Variants in RPS6KA1 observed in about 807,000 individuals in gnomAD.
RPS6KA1 encodes the protein ribosomal protein S6 kinase A1, also known as ribosomal protein S6 kinase alpha-1.
In RPS6KA1, 48 loss-of-function variants were observed where a neutral mutation model predicts 91.3. The observed-to-expected ratio is 0.53, with a 90% CI of 0.42 to 0.67. The LOEUF is 0.67. RPS6KA1 is among the 30% of genes least tolerant of loss of function. RPS6KA1 has a pLI of 0.00. For synonymous variants in RPS6KA1, 359 were observed against 384.7 expected (o/e 0.93, Z 0.78); for missense variants, 719 against 960.5 (o/e 0.75, Z 3.32).
rs755379516 is a variant in RPS6KA1, at chr1:26,554,760, A to C, written c.756+22A>C. 2 of 1,585,878 alleles carry C rather than the reference A, an allele frequency of 1.3e-6. No individual in the cohort carries two copies. The highest frequency in any genetic ancestry group is 2.2e-5 in the South Asian group (2 of 89,232). On this transcript the variant is annotated intron_variant, in intron 9 of 21. Transcript: ENST00000374168. This position sits in a 1 kb window ranked among gnomAD's most constrained non-coding sequence, Gnocchi z 4.6. ...GATGGTGAGTGCCCAGACAGGGGTA[A>C]AGGATCCAGCCCAAGCCTCTGGCCT...
intron 2 of RPS6KA1, chr1:26,546,155 T>TCCAGTCACCCTGCAGG: frequency 8.5e-7 from 1 of 1,172,776 alleles, no homozygotes; most frequent in Non-Finnish European, 1.2e-6. Flanking sequence ...CCCTGCAGGG[T>TCCAGTCACCCTGCAGG]GACTGGACCC....
At chr1:26,539,124 T>A (rs1415873798) in intron 2 of RPS6KA1, among the ~76,000 whole-genome samples, 1 of 152,218 alleles carries the variant, frequency 6.6e-6, no homozygotes, top group Non-Finnish European at 1.5e-5. Flanking sequence ...GAACCTCTGC[T>A]CTGTGCTAGG....
intron 2 of RPS6KA1, 118 bp from the exon 3 acceptor site, chr1:26,546,749 C>A: frequency 1.4e-6 from 1 of 712,386 alleles, no homozygotes; most frequent in Non-Finnish European, 2.4e-6. Flanking sequence ...TCAGGGAAGT[C>A]GTCTATTGGG....
Position 26,547,995 on chromosome 1 carries a change from G to A in RPS6KA1, c.307+725G>A, listed in dbSNP as rs997878556. Among the ~76,000 whole-genome samples, 6 of 152,116 alleles carry A rather than the reference G, an allele frequency of 3.9e-5. No homozygotes were observed. The highest frequency in any genetic ancestry group is 6.5e-5 in the Admixed American group (1 of 15,272). On this transcript the variant is annotated intron_variant, in intron 4 of 21. Coordinates refer to ENST00000374168, the MANE Select transcript of RPS6KA1 (RefSeq NM_002953.4). This position sits in a 1 kb window ranked among gnomAD's most constrained non-coding sequence, Gnocchi z 4.1. ...GACCTGACCAACATGTTGAAACCCC[G>A]TCTCTACTAAAAATACAAAGAAATG...
At chr1:26,531,504 A>T (rs2075867481) in intron 1 of RPS6KA1, 1 of 152,140 alleles carries the variant, frequency 6.6e-6, no homozygotes, top group South Asian at 2.1e-4. Flanking sequence ...CAGGAGCTCG[A>T]TCCTGGGGCA....
Position 26,554,318 on chromosome 1 carries a change from GC to G in RPS6KA1, c.613+68del, listed in dbSNP as rs1419440553. Reference sequence around the variant, plus strand: ...CAGGACAAGGTCATGATAGGTCTCGGCTGAGTGCTGGGGGCTCATTCTTCCC... The same window carrying G: ...CAGGACAAGGTCATGATAGGTCTCGGTGAGTGCTGGGGGCTCATTCTTCCC... On this transcript the variant is annotated intron_variant, in intron 8 of 21. Coordinates refer to ENST00000374168, the MANE Select transcript of RPS6KA1 (RefSeq NM_002953.4). This position sits in a 1 kb window ranked among gnomAD's most constrained non-coding sequence, Gnocchi z 4.6. 1 of 1,483,138 alleles carries G rather than the reference GC, an allele frequency of 6.7e-7. No homozygotes were observed. The highest frequency in any genetic ancestry group is 2.1e-5 in the Admixed American group (1 of 48,670). The allele number at this position is 1,483,138 out of a possible 1,614,324, so 91.9% of individuals were successfully genotyped here.
chr1:26,573,630 C>T (rs757225030), intron 21 of RPS6KA1, among the ~76,000 whole-genome samples: 2 of 152,156 alleles, frequency 1.3e-5, no homozygotes, highest in Non-Finnish European at 2.9e-5. Context: ...CCATAAAGGA[C>T]CACTGAGGCT....
intron 17 of RPS6KA1, among the ~76,000 whole-genome samples, chr1:26,569,185 A>G (rs2076229368): frequency 6.6e-6 from 1 of 151,738 alleles, no homozygotes; most frequent in Admixed American, 6.6e-5. Context: ...AAAAAAAAAG[A>G]AAATTGTCCT....
intron 19 of RPS6KA1, 114 bp from the exon 20 acceptor site, chr1:26,572,062 G>A (rs2124673502): frequency 7.7e-7 from 1 of 1,303,762 alleles, no homozygotes; most frequent in Non-Finnish European, 1.1e-6. Context: ...CCTGCCTCCA[G>A]GAGCTCTACC....
At chr1:26,545,418 C>T (rs534846471) in intron 2 of RPS6KA1, among the ~76,000 whole-genome samples, 3 of 151,678 alleles carry the variant, frequency 2.0e-5, no homozygotes, top group South Asian at 2.1e-4. Flanking sequence ...CCTCATGATC[C>T]GCCCGCCTCA....
intron 17 of RPS6KA1, among the ~76,000 whole-genome samples, chr1:26,570,667 A>G (rs1250629354): frequency 1.3e-5 from 2 of 152,212 alleles, no homozygotes; most frequent in African/African-American, 2.4e-5. Context: ...AATACCTGCC[A>G]TGTACTAGGA....
Position 26,574,573 on chromosome 1 carries a change from T to C in RPS6KA1, c.*372T>C. On this transcript the variant is annotated 3_prime_UTR_variant, in exon 22 of 22. Transcript: ENST00000374168. This position sits in a 1 kb window ranked among gnomAD's most constrained non-coding sequence, Gnocchi z 4.3. ...CTCTCTGAGACTCTTTAGAGCAGCT[T>C]TGGGATCCCACCCTGGGGACCCCCA... 2.4e-6 allele frequency: 1 copy of C among 415,864 alleles called. No individual in the cohort carries two copies. Among genetic ancestry groups the C allele is most frequent in the Non-Finnish European group, 4.8e-6 (1 of 208,944 alleles). The allele number at this position is 415,864 out of a possible 1,614,324, so 25.8% of individuals were successfully genotyped here. A position where few individuals can be genotyped will look rare whatever the true frequency, so the allele number is the denominator to read the frequency against.
rs1044348798 is a variant in RPS6KA1 at position 26,574,802 on chromosome 1, A to C, written c.*601A>C. 4.1e-6 allele frequency: 1 copy of C among 244,920 alleles called. No individual in the cohort carries two copies. The highest frequency in any genetic ancestry group is 8.3e-6 in the Non-Finnish European group (1 of 120,552). The allele number at this position is 244,920 out of a possible 1,614,324, so 15.2% of individuals were successfully genotyped here. On this transcript the variant is annotated 3_prime_UTR_variant, in exon 22 of 22. Coordinates refer to ENST00000374168, the MANE Select transcript of RPS6KA1 (RefSeq NM_002953.4). The surrounding 1 kb of genome is among the most constrained non-coding windows in gnomAD (Gnocchi z 4.3). ...CTTCCAGCTTCAGGCACCAGCATCC[A>C]CCTTGGCTCTGCCAGTGGATCCCCT...
chr1:26,551,720 A>G lies in RPS6KA1; in HGVS notation c.465A>G (p.Lys155=). The G allele has an allele frequency of 6.2e-7, 1 of 1,613,866 alleles. No individual in the cohort carries two copies. Among genetic ancestry groups the G allele is most frequent in the Non-Finnish European group, 8.5e-7 (1 of 1,179,730 alleles). The change falls in exon 6 of 22, where the codon AAA becomes AAG. Residue 155 remains lysine, a synonymous_variant. Coordinates refer to ENST00000374168, the MANE Select transcript of RPS6KA1 (RefSeq NM_002953.4). The surrounding 1 kb of genome is among the most constrained non-coding windows in gnomAD (Gnocchi z 4.5). ...GGGACCTCTTCACCCGGCTCTCAAA[A>G]GAGGTGAGCTGACATCTACTGCCAG... The part of the protein sequence containing the change: ...RGGDLFTRLS[K]EVMFTEEDVK...
intron 11 of RPS6KA1, chr1:26,556,105 C>T (rs2076099179): frequency 4.8e-6 from 1 of 207,036 alleles, no homozygotes; most frequent in African/African-American, 2.3e-5. Flanking sequence ...GATGATGATC[C>T]CAAGCTTGCT....
Position 26,554,456 on chromosome 1 carries a change from C to A in RPS6KA1, c.614-140C>A, listed in dbSNP as rs997974015. The A allele has an allele frequency of 2.0e-4, 241 of 1,227,750 alleles. No homozygotes were observed. The highest frequency in any genetic ancestry group is 2.2e-4 in the Non-Finnish European group (194 of 867,726). 76.1% of individuals were successfully genotyped at this position (1,227,750 alleles called of 1,614,324 possible). A position where few individuals can be genotyped will look rare whatever the true frequency, so the allele number is the denominator to read the frequency against. On this transcript the variant is annotated intron_variant, in intron 8 of 21. Coordinates refer to ENST00000374168, the MANE Select transcript of RPS6KA1 (RefSeq NM_002953.4). The surrounding 1 kb of genome is among the most constrained non-coding windows in gnomAD (Gnocchi z 4.6). ...GTGTAACGTTGAGCAAGTCACCTGACCTCTCTGGGCCTTAGCTTCCTCCTG... is the reference window on the plus strand; with the variant it reads ...GTGTAACGTTGAGCAAGTCACCTGAACTCTCTGGGCCTTAGCTTCCTCCTG...
chr1:26,572,086 A>T, intron 19 of RPS6KA1, 90 bp from the exon 20 acceptor site: 3 of 1,322,760 alleles, frequency 2.3e-6, no homozygotes, highest in Admixed American at 1.7e-5. Context: ...GGAGTACCCC[A>T]TCTGAGGGGG....
intron 2 of RPS6KA1, among the ~76,000 whole-genome samples, chr1:26,539,186 C>G (rs2075928394): frequency 6.6e-6 from 1 of 152,212 alleles, no homozygotes; most frequent in African/African-American, 2.4e-5. Context: ...CCACATTTCT[C>G]TCCGTAGCAT....
At position 26,572,226 on chromosome 1, in the gene RPS6KA1, C is replaced by T; in HGVS notation, c.1880C>T (p.Thr627Ile). The T allele has an allele frequency of 1.2e-6, 2 of 1,614,028 alleles. No individual in the cohort carries two copies. Among genetic ancestry groups the T allele is most frequent in the Non-Finnish European group, 1.7e-6 (2 of 1,180,018 alleles). The change falls in exon 20 of 22, where the codon ACC becomes ATC. Residue 627 changes from threonine to isoleucine, a missense_variant. Thr to Ile is a moderately conservative substitution (Grantham distance 89). Coordinates refer to ENST00000374168, the MANE Select transcript of RPS6KA1 (RefSeq NM_002953.4). ...GPSDTPEEIL[T>I]RIGSGKFTLS... ...AGTGACACACCAGAGGAAATCCTAACCCGGATCGGCAGTGGGAAGTTTACC... is the reference window on the plus strand; with the variant it reads ...AGTGACACACCAGAGGAAATCCTAATCCGGATCGGCAGTGGGAAGTTTACC...
Sources: gnomAD v4.1 joint callset for allele counts (sites outside exome capture counted in the v4.1 genomes callset) on GRCh38, gnomAD v4.1.1 for gene constraint, Gnocchi (gnomAD v3.1) non-coding constraint, MANE v1.5 for transcripts, NCBI Gene and HGNC (gene_info 2026-07-23, HGNC 2026-07-21) for gene names.